Variants in FURIN observed in about 807,000 individuals in gnomAD.
FURIN encodes FES upstream region.
A neutral mutation model predicts 89.2 loss-of-function variants in FURIN; 18 were observed. The ratio of observed to expected loss-of-function variants is 0.20; its 90% CI spans 0.14 to 0.30. The LOEUF (loss-of-function observed/expected upper bound fraction) is 0.30. Among genes scored for constraint, FURIN ranks in the 10% least tolerant of loss-of-function variants. The pLI, the probability that FURIN is intolerant of heterozygous loss-of-function variation, is 1.00. For missense variants in FURIN, 879 were observed against 1,100.5 expected (o/e 0.80, Z 2.85); for synonymous variants, 508 against 466.4 (o/e 1.09, Z -1.15).
chr15:90,875,463 C>T (rs2031558669), intron 1 of FURIN, 119 bp from the exon 2 acceptor site: 1 of 360,820 alleles, frequency 2.8e-6, no homozygotes, highest in African/African-American at 2.1e-5. Context: ...TTTTTTTACC[C>T]TTCTCCCCCA....
Position 90,880,808 on chromosome 15 carries a change from C to T in FURIN, c.1674C>T (p.Asn558=). Residue 558 remains asparagine (N), a synonymous_variant, in exon 14 of 16, where the codon AAC becomes AAT. Transcript: ENST00000268171. The part of the protein sequence containing the change: ...VLEIENTSEA[N]NYGTLTKFTL... Reference sequence around the variant, plus strand: ...AGATTGAAAACACCAGCGAAGCCAACAACTATGGTACTGGGGGCACTTGAG... The same window carrying T: ...AGATTGAAAACACCAGCGAAGCCAATAACTATGGTACTGGGGGCACTTGAG... 1 of 1,613,396 alleles carries T rather than the reference C, an allele frequency of 6.2e-7. No individual in the cohort carries two copies. Among genetic ancestry groups the T allele is most frequent in the Non-Finnish European group, 8.5e-7 (1 of 1,179,650 alleles).
chr15:90,879,402 C>G (rs778360004), intron 9 of FURIN, 42 bp from the exon 10 acceptor site: 1 of 1,408,830 alleles, frequency 7.1e-7, no homozygotes, highest in Non-Finnish European at 1.0e-6. Flanking sequence ...CTCTAGCCCC[C>G]TCCACCCATC....
intron 1 of FURIN, among the ~76,000 whole-genome samples, chr15:90,875,029 C>CTTTT (rs11343964): frequency 4.9e-5 from 5 of 101,260 alleles, no homozygotes; most frequent in African/African-American, 1.7e-4. Context: ...TTCTGTTACA[C>CTTTT]TTTTTTTTTT....
intron 13 of FURIN, 55 bp downstream of exon 13, chr15:90,880,328 C>T (rs763430841): frequency 4.9e-5 from 70 of 1,425,772 alleles, no homozygotes; most frequent in Middle Eastern, 2.4e-4. Flanking sequence ...TCACAGCCCG[C>T]GTGCTTGCCT....
At chr15:90,878,053 T>C (rs1573644) in intron 7 of FURIN, 79 bp from the exon 8 acceptor site, 467,880 of 1,401,688 alleles carry the variant, frequency 0.33, 81,298 homozygotes, top group Middle Eastern at 0.36. Context: ...GGTGCAGGGC[T>C]GGGTGTGCTC....
intron 10 of FURIN, 26 bp from the exon 11 acceptor site, chr15:90,879,645 C>G (rs1366413617): frequency 1.3e-6 from 2 of 1,598,774 alleles, no homozygotes; most frequent in Admixed American, 3.3e-5. Context: ...AGACTGATCC[C>G]CAGCCTCTCC....
At chr15:90,875,953 G>A in intron 2 of FURIN, 36 bp downstream of exon 2, 2 of 1,490,960 alleles carry the variant, frequency 1.3e-6, no homozygotes, top group Non-Finnish European at 1.8e-6. Context: ...CCAGGGGGTG[G>A]GACCAGAGAA....
At chr15:90,880,038 G>T in intron 12 of FURIN, 54 bp downstream of exon 12, 1 of 1,604,488 alleles carries the variant, frequency 6.2e-7, no homozygotes, top group Admixed American at 1.7e-5. Flanking sequence ...GAGTCGCAGG[G>T]GGTGCCCGCT....
In FURIN at chr15:90,880,986, G is replaced by C. The variant is rs750446344; in HGVS notation, c.1738G>C (p.Val580Leu). Reference sequence around the variant, plus strand: ...TGGCACCGCCCCTGAGGGGCTGCCCGTACCTCCAGAAAGCAGTGGCTGCAA... The same window carrying C: ...TGGCACCGCCCCTGAGGGGCTGCCCCTACCTCCAGAAAGCAGTGGCTGCAA... ...LYGTAPEGLP[V>L]PPESSGCKTL... Residue 580 changes from valine to leucine, a missense_variant, in exon 15 of 16, where the codon GTA becomes CTA. By Grantham distance (32) the Val-to-Leu change is conservative (BLOSUM62 1). Coordinates refer to ENST00000268171, the MANE Select transcript of FURIN (RefSeq NM_002569.4). The C allele has an allele frequency of 1.9e-6, 3 of 1,613,976 alleles. No homozygotes were observed. Among genetic ancestry groups the C allele is most frequent in the African/African-American group, 2.7e-5 (2 of 74,916 alleles).
At chr15:90,870,439 A>G (rs760049098) in intron 1 of FURIN, among the ~76,000 whole-genome samples, 3 of 152,122 alleles carry the variant, frequency 2.0e-5, no homozygotes, top group Non-Finnish European at 2.9e-5. Flanking sequence ...AGAGCTCTCA[A>G]TGGTGCCTGG....
In FURIN at chr15:90,875,908, C is replaced by T; in HGVS notation, c.168C>T (p.Asn56=). 2 of 1,584,078 alleles carry T rather than the reference C, an allele frequency of 1.3e-6. No homozygotes were observed. Among genetic ancestry groups the T allele is most frequent in the East Asian group, 2.3e-5 (1 of 44,106 alleles). ...NSVARKHGFL[N]LGQIFGDYYH... The stretch of plus-strand genomic sequence containing the variant: ...TGGCACGGAAGCATGGGTTCCTCAA[C>T]CTGGGCCAGGTAGGTGTTCCCCCAC... The change falls in exon 2 of 16, where the codon AAC becomes AAT. Residue 56 remains asparagine (N), a synonymous_variant. Transcript: ENST00000268171.
intron 1 of FURIN, among the ~76,000 whole-genome samples, chr15:90,875,029 CTTTTTT>C (rs11343964): frequency 2.0e-5 from 2 of 101,276 alleles, no homozygotes; most frequent in Non-Finnish European, 3.9e-5. Context: ...TTCTGTTACA[CTTTTTT>C]TTTTTTTTTT....
At position 90,876,692 on chromosome 15, in the gene FURIN, T is replaced by C; in HGVS notation, c.372+135T>C. On this transcript the variant is annotated intron_variant, in intron 4 of 15. Coordinates refer to ENST00000268171, the MANE Select transcript of FURIN (RefSeq NM_002569.4). This position sits in a 1 kb window ranked among gnomAD's most constrained non-coding sequence, Gnocchi z 5.0. The stretch of plus-strand genomic sequence containing the variant: ...TTTCCTCCTGCTGGGCAGTCTCTCC[T>C]TGGCCCATCCTAATAAGCAAGCCTG... 1 of 813,968 alleles carries C rather than the reference T, an allele frequency of 1.2e-6. No individual in the cohort carries two copies. The highest frequency in any genetic ancestry group is 1.6e-5 in the South Asian group (1 of 63,742). The allele number at this position is 813,968 out of a possible 1,614,324, so 50.4% of individuals were successfully genotyped here. A position where few individuals can be genotyped will look rare whatever the true frequency, so the allele number is the denominator to read the frequency against.
chr15:90,879,809 A>G (rs890708473), intron 11 of FURIN, 35 bp downstream of exon 11: 1 of 1,607,788 alleles, frequency 6.2e-7, no homozygotes, highest in African/African-American at 1.3e-5. Context: ...CTGGATGTGG[A>G]GTTAGGTAGA....
At chr15:90,873,042 A>G (rs1343467260) in intron 1 of FURIN, 1 of 152,292 alleles carries the variant, frequency 6.6e-6, no homozygotes, top group Non-Finnish European at 1.5e-5. Context: ...CCCATGTGAA[A>G]CAAGACCATG....
At chr15:90,873,497 G>A (rs2031435313) in intron 1 of FURIN, among the ~76,000 whole-genome samples, 1 of 152,118 alleles carries the variant, frequency 6.6e-6, no homozygotes, top group Non-Finnish European at 1.5e-5. Flanking sequence ...GGTGGTGGGG[G>A]CAGGGGGGTG....
At position 90,872,464 on chromosome 15, in the gene FURIN, AT is replaced by A. The variant is rs555297736; in HGVS notation, c.-159-3117del. Among the ~76,000 whole-genome samples, 3 of 152,240 alleles carry A rather than the reference AT, an allele frequency of 2.0e-5. No individual in the cohort carries two copies. The South Asian group carries it at 6.2e-4, about 32-fold the overall frequency. ...GAAGTGCGAGGAGAACCCGGGTGAT[AT>A]GGCCTGGTGAGGGCGGGTGCTGAGC... On this transcript the variant is annotated intron_variant, in intron 1 of 15. Coordinates refer to ENST00000268171, the MANE Select transcript of FURIN (RefSeq NM_002569.4).
At chr15:90,878,691 T>C in intron 8 of FURIN, 73 bp from the exon 9 acceptor site, 1 of 875,178 alleles carries the variant, frequency 1.1e-6, no homozygotes, top group South Asian at 1.5e-5. Flanking sequence ...CTTCCCAGTT[T>C]TCCAGCAGTG....
chr15:90,876,024 G>C lies in FURIN; in HGVS notation c.177+107G>C, dbSNP rs542621691. 1.5e-5 allele frequency: 15 copies of C among 1,017,474 alleles called. No homozygotes were observed. In the African/African-American group the frequency reaches 2.4e-4, roughly 16 times the overall value. The allele number at this position is 1,017,474 out of a possible 1,614,324, so 63.0% of individuals were successfully genotyped here. ...TTTGCTCAGGGGCATCTGGGTAGCC[G>C]GCATGTTCTGGGTGGCCATGAGCAA... On this transcript the variant is annotated intron_variant, in intron 2 of 15. Transcript: ENST00000268171. This position sits in a 1 kb window ranked among gnomAD's most constrained non-coding sequence, Gnocchi z 5.0.
Sources: allele counts gnomAD v4.1 joint callset (sites outside exome capture counted in the v4.1 genomes callset), GRCh38; gene constraint gnomAD v4.1.1; non-coding constraint Gnocchi (gnomAD v3.1); transcripts MANE v1.5; gene names NCBI Gene and HGNC (gene_info 2026-07-23, HGNC 2026-07-21).